The following METTL8 variants were observed in gnomAD, a reference collection of about 807,000 sequenced individuals.
METTL8 encodes methyltransferase 8, tRNA N3-cytidine.
METTL8 carries 32 observed loss-of-function variants against 48.7 expected under a neutral mutation model. That is an observed-to-expected ratio of 0.66 (90% CI 0.50 to 0.88). The LOEUF is 0.88. Ranked by LOEUF, METTL8 falls within the 40% of genes least tolerant of loss-of-function variation. METTL8 has a pLI of 0.00. For synonymous variants in METTL8, 136 were observed against 157.1 expected (o/e 0.87, Z 1.01); for missense variants, 464 against 474.4 (o/e 0.98, Z 0.20).
chr2:171,367,595 C>A (rs1439157920), intron 2 of METTL8, among the ~76,000 whole-genome samples: 2 of 151,876 alleles, frequency 1.3e-5, no homozygotes, highest in Admixed American at 1.3e-4. Flanking sequence ...AAAAAAGAGA[C>A]CAGAAGTGGT....
rs1213088166 is a variant in METTL8, at chr2:171,339,410, T to C, written c.380A>G (p.Glu127Gly). The change falls in exon 4 of 10, where the codon GAA (glutamate) becomes GGA (glycine). Residue 127 changes from glutamate (E) to glycine (G), a missense_variant. Physicochemically the swap from Glu to Gly is moderately conservative, Grantham distance 98. Coordinates refer to ENST00000375258, the MANE Select transcript of METTL8 (RefSeq NM_001321154.2). ...VDQKPEEKAR[E>G]SSWDHVKTSA... ...AGTTTTTACATGATCCCATGATGAT[T>C]CTCTCGCCTTCTCTTCAGGTTTTTG... The C allele has an allele frequency of 6.2e-7, 1 of 1,613,624 alleles. No individual in the cohort carries two copies. Among genetic ancestry groups the C allele is most frequent in the Non-Finnish European group, 8.5e-7 (1 of 1,179,786 alleles).
chr2:171,348,899 A>G (rs1575788818), intron 3 of METTL8, among the ~76,000 whole-genome samples: 1 of 152,310 alleles, frequency 6.6e-6, no homozygotes, highest in Admixed American at 6.5e-5. Flanking sequence ...AGAGAATATA[A>G]GAGTTGGGTA....
upstream of METTL8, chr2:171,434,717 G>A (rs992902410): frequency 6.9e-7 from 1 of 1,446,330 alleles, no homozygotes; most frequent in Non-Finnish European, 9.0e-7. Flanking sequence ...ACCGCCAGCC[G>A]GCCGGGGCGG....
In METTL8 at chr2:171,392,302, T is replaced by G. The variant is rs1184719840; in HGVS notation, c.-12-105A>C. 1.5e-5 allele frequency: 13 copies of G among 870,784 alleles called. No individual in the cohort carries two copies. The East Asian group carries it at 3.3e-4, about 22-fold the overall frequency. 53.9% of individuals were successfully genotyped at this position (870,784 alleles called of 1,614,324 possible). A position where few individuals can be genotyped will look rare whatever the true frequency, so the allele number is the denominator to read the frequency against. The stretch of plus-strand genomic sequence containing the variant: ...AAGGTTTTCAATCTGAGAATGCACA[T>G]GAAAACTAGAAACTTTTTAATGAAA... On this transcript the variant is annotated intron_variant, in intron 1 of 9. Transcript: ENST00000375258.
In METTL8 at chr2:171,322,126, C is replaced by T. The variant is rs1184407267; in HGVS notation, c.*2046G>A. 1 of 151,880 alleles carries T rather than the reference C, an allele frequency of 6.6e-6. No individual in the cohort carries two copies. Among genetic ancestry groups the T allele is most frequent in the African/African-American group, 2.4e-5 (1 of 41,340 alleles). The allele number at this position is 151,880 out of a possible 1,614,324, so 9.4% of individuals were successfully genotyped here. ...TACAGGTGCCCACCACCACGCCTGG[C>T]TAATTTTTTTTGTATTTTTAGTAGA... On this transcript the variant is annotated 3_prime_UTR_variant, in exon 10 of 10. Coordinates refer to ENST00000375258, the MANE Select transcript of METTL8 (RefSeq NM_001321154.2).
intron 3 of METTL8, among the ~76,000 whole-genome samples, chr2:171,350,755 T>C (rs1272708369): frequency 1.3e-5 from 2 of 152,254 alleles, no homozygotes; most frequent in East Asian, 3.8e-4. Context: ...GCTACATAAA[T>C]GTCTTCTTTT....
At chr2:171,388,515 T>G (rs1342297827) in intron 2 of METTL8, among the ~76,000 whole-genome samples, 1 of 152,220 alleles carries the variant, frequency 6.6e-6, no homozygotes, top group Non-Finnish European at 1.5e-5. Context: ...TCTCAGTGCT[T>G]TATGATTTTC....
chr2:171,416,834 C>CT (rs1691362580), intron 1 of METTL8, among the ~76,000 whole-genome samples: 1 of 152,200 alleles, frequency 6.6e-6, no homozygotes, highest in Admixed American at 6.5e-5. Flanking sequence ...ACTCCAGATT[C>CT]TATGTTCTAC....
At chr2:171,336,938 G>A (rs1261660839) in intron 5 of METTL8, among the ~76,000 whole-genome samples, 1 of 147,600 alleles carries the variant, frequency 6.8e-6, no homozygotes, top group Admixed American at 6.9e-5. Context: ...GGCGCAGTCG[G>A]GTCACTGCAA....
At chr2:171,335,257 T>C (rs982402084) in intron 5 of METTL8, among the ~76,000 whole-genome samples, 5 of 152,196 alleles carry the variant, frequency 3.3e-5, no homozygotes, top group Non-Finnish European at 7.4e-5. Flanking sequence ...CTATTCATTA[T>C]GTTAGGTTTA....
chr2:171,376,228 CT>C (rs1210919797), intron 2 of METTL8, among the ~76,000 whole-genome samples: 3 of 152,154 alleles, frequency 2.0e-5, no homozygotes, highest in African/African-American at 7.2e-5. Flanking sequence ...CATGCTACCA[CT>C]TGTGTAAAAC....
intron 1 of METTL8, among the ~76,000 whole-genome samples, chr2:171,400,039 AT>A (rs950024657): frequency 5.3e-5 from 8 of 151,354 alleles, no homozygotes; most frequent in African/African-American, 9.7e-5. Flanking sequence ...TGTAAATTTC[AT>A]TTTTTTTTAA....
intron 3 of METTL8, among the ~76,000 whole-genome samples, chr2:171,343,619 C>T (rs183029905): frequency 2.8e-4 from 42 of 152,166 alleles, no homozygotes; most frequent in Admixed American, 4.6e-4. Flanking sequence ...TTAGGTAGCT[C>T]TTTCTTTTGC....
At chr2:171,359,748 G>A (rs899596407) in intron 3 of METTL8, among the ~76,000 whole-genome samples, 2 of 152,058 alleles carry the variant, frequency 1.3e-5, no homozygotes, top group African/African-American at 4.8e-5. Flanking sequence ...GAGTAGCTGA[G>A]ACTACAGGCA....
chr2:171,342,531 ACT>A (rs1321012732), intron 3 of METTL8, among the ~76,000 whole-genome samples: 2 of 152,028 alleles, frequency 1.3e-5, no homozygotes, highest in Non-Finnish European at 2.9e-5. Context: ...ACAAAATGAC[ACT>A]CTGAAAATCA....
intron 1 of METTL8, among the ~76,000 whole-genome samples, chr2:171,403,423 C>G (rs1689840824): frequency 6.6e-6 from 1 of 152,046 alleles, no homozygotes; most frequent in Non-Finnish European, 1.5e-5. Flanking sequence ...ACTCCCCAAA[C>G]TGTCAAGGTC....
chr2:171,320,358 C>T lies in METTL8; in HGVS notation c.*3814G>A, dbSNP rs1011595922. The T allele has an allele frequency of 6.6e-6, 1 of 152,174 alleles. No individual in the cohort carries two copies. The highest frequency in any genetic ancestry group is 6.5e-5 in the Admixed American group (1 of 15,286). The allele number at this position is 152,174 out of a possible 1,614,324, so 9.4% of individuals were successfully genotyped here. A position where few individuals can be genotyped will look rare whatever the true frequency, so the allele number is the denominator to read the frequency against. The stretch of plus-strand genomic sequence containing the variant: ...AAATTTGGTTGATGTATTTTTGAAG[C>T]TTCTAAAGGTTAACTCACATGCTGT... On this transcript the variant is annotated 3_prime_UTR_variant, in exon 10 of 10. Transcript: ENST00000375258.
chr2:171,398,382 G>T (rs183045256), intron 1 of METTL8, among the ~76,000 whole-genome samples: 1 of 152,138 alleles, frequency 6.6e-6, no homozygotes, highest in African/African-American at 2.4e-5. Flanking sequence ...AAGATATTAT[G>T]CTAAGTGAAA....
intron 2 of METTL8, among the ~76,000 whole-genome samples, chr2:171,373,361 T>G (rs1686580850): frequency 1.3e-5 from 2 of 152,220 alleles, no homozygotes; most frequent in African/African-American, 2.4e-5. Flanking sequence ...ATTGAGTTCT[T>G]TGTAGATTCT....
Sources: allele counts gnomAD v4.1 joint callset (sites outside exome capture counted in the v4.1 genomes callset), GRCh38; gene constraint gnomAD v4.1.1; transcripts MANE v1.5; gene names NCBI Gene and HGNC (gene_info 2026-07-23, HGNC 2026-07-21).